Variants in BMP1 observed in about 807,000 individuals in gnomAD.
BMP1 encodes the protein bone morphogenetic protein 1.
A neutral mutation model predicts 116.8 loss-of-function variants in BMP1; 63 were observed. That is an observed-to-expected ratio of 0.54 (90% CI 0.44 to 0.67). BMP1 has a LOEUF of 0.67. Ranked by LOEUF, BMP1 falls within the 30% of genes least tolerant of loss-of-function variation. BMP1 has a pLI of 0.00. For synonymous variants in BMP1, 536 were observed against 533.4 expected (o/e 1.00, Z -0.07); for missense variants, 1,183 against 1,358.9 (o/e 0.87, Z 2.04).
chr8:22,191,111 G>A (rs909841170), intron 8 of BMP1, among the ~76,000 whole-genome samples: 4 of 152,208 alleles, frequency 2.6e-5, no homozygotes, highest in Admixed American at 2.6e-4. Context: ...CTCCAGTAGC[G>A]AGCGAGCGTT....
chr8:22,205,837 C>T (rs555315748), intron 16 of BMP1, among the ~76,000 whole-genome samples: 1 of 152,166 alleles, frequency 6.6e-6, no homozygotes, highest in Non-Finnish European at 1.5e-5. Flanking sequence ...AGGTCCTGAG[C>T]ACCCCGAAGG....
chr8:22,202,232 C>T (rs1245875281), intron 16 of BMP1, among the ~76,000 whole-genome samples: 2 of 152,234 alleles, frequency 1.3e-5, no homozygotes, highest in African/African-American at 4.8e-5. Context: ...TTCCTACCGG[C>T]ACAGAGGCGA....
At chr8:22,165,882 CGTGTGTGTGTGTGTGTGTGT>C (rs149003237) in intron 1 of BMP1, among the ~76,000 whole-genome samples, 141 of 131,418 alleles carry the variant, frequency 1.1e-3, no homozygotes, top group Admixed American at 2.6e-3. Flanking sequence ...CCTGTGCGTG[CGTGTGTGTGTGTGTGTGTGT>C]GTGTGTGTGT....
intron 13 of BMP1, 83 bp from the exon 14 acceptor site, chr8:22,196,597 C>CT: frequency 6.3e-7 from 1 of 1,591,860 alleles, no homozygotes; most frequent in Non-Finnish European, 8.6e-7. Context: ...CCATCTTCTC[C>CT]TTACTGCATC....
chr8:22,169,477 G>A (rs1484139929), intron 1 of BMP1: 2 of 152,306 alleles, frequency 1.3e-5, no homozygotes, highest in African/African-American at 4.8e-5. Flanking sequence ...AAGTGGTTGA[G>A]TGTGTGTTTG....
chr8:22,187,606 C>T (rs1331577592), intron 8 of BMP1, among the ~76,000 whole-genome samples: 1 of 150,730 alleles, frequency 6.6e-6, no homozygotes, highest in East Asian at 2.0e-4. Flanking sequence ...ACCTCAGCCT[C>T]CCAAAGTGCT....
intron 6 of BMP1, among the ~76,000 whole-genome samples, chr8:22,178,454 T>G (rs1425308523): frequency 2.0e-5 from 3 of 152,140 alleles, no homozygotes; most frequent in Non-Finnish European, 2.9e-5. Flanking sequence ...CGTGCCTTTT[T>G]TTTTAGAGAT....
intron 8 of BMP1, among the ~76,000 whole-genome samples, chr8:22,190,226 G>C (rs1828892492): frequency 6.6e-6 from 1 of 152,184 alleles, no homozygotes; most frequent in Non-Finnish European, 1.5e-5. Flanking sequence ...CGCTTGGCCT[G>C]TAGTGTGCTT....
intron 15 of BMP1, chr8:22,199,080 C>A (rs1829176689): frequency 7.3e-7 from 1 of 1,366,382 alleles, no homozygotes; most frequent in Non-Finnish European, 9.8e-7. Flanking sequence ...TACTGCTCTG[C>A]CCCCATGCCC....
Position 22,211,794 on chromosome 8 carries a change from G to T in BMP1, c.*66G>T. ...TTGGTCGCCTAGACTGGATAGTGGG[G>T]GTGGGCGGAAGGCAACGCACCATCC... On this transcript the variant is annotated 3_prime_UTR_variant, in exon 20 of 20. Transcript: ENST00000306385. The T allele has an allele frequency of 9.9e-6, 16 of 1,610,044 alleles. No homozygotes were observed. The highest frequency in any genetic ancestry group is 3.3e-4 in the Middle Eastern group (2 of 5,996).
At position 22,176,537 on chromosome 8, in the gene BMP1, C is replaced by A; in HGVS notation, c.438C>A (p.Ser146Arg). The change falls in exon 4 of 20, where the codon AGC becomes AGA. Residue 146 changes from serine to arginine, a missense_variant. By Grantham distance (110) the Ser-to-Arg change is moderately radical. This residue lies in a region of BMP1 where 40 missense variants were observed against 47.5 expected (regional missense o/e 0.84). Transcript: ENST00000306385. ...PFVIGGNFTG[S>R]QRAVFRQAMR... is the part of the protein sequence containing the mutation. ...TGGCTTCCTTCCTCCTGGCAGGTAG[C>A]CAGAGGGCAGTCTTCCGGCAGGCCA... 6.2e-7 allele frequency: 1 copy of A among 1,614,116 alleles called. No homozygotes were observed. Among genetic ancestry groups the A allele is most frequent in the Non-Finnish European group, 8.5e-7 (1 of 1,179,976 alleles).
chr8:22,206,993 C>T lies in BMP1; in HGVS notation c.2361+12C>T. ...ACCGGGTCAAGCTGGTAAGGGGTCC[C>T]CTCCCCACTCCTTATGCGGTGTGGC... On this transcript the variant is annotated intron_variant, in intron 17 of 19. Coordinates refer to ENST00000306385, the MANE Select transcript of BMP1 (RefSeq NM_006129.5). The T allele has an allele frequency of 3.1e-6, 5 of 1,613,708 alleles. No homozygotes were observed. Among genetic ancestry groups the T allele is most frequent in the Middle Eastern group, 1.7e-4 (1 of 6,058 alleles).
At position 22,180,588 on chromosome 8, in the gene BMP1, G is replaced by A. The variant is rs542940308; in HGVS notation, c.1077+105G>A. ...CAATATGGGTGCCAGCGACCTACCT[G>A]GCTACCGTAAATGTATCAAGTCCAG... On this transcript the variant is annotated intron_variant, in intron 8 of 19. Transcript: ENST00000306385. 402 of 1,033,764 alleles carry A rather than the reference G, an allele frequency of 3.9e-4. 7 individuals carry two copies. The South Asian group carries it at 5.4e-3, about 14-fold the overall frequency. The allele number at this position is 1,033,764 out of a possible 1,614,324, so 64.0% of individuals were successfully genotyped here. A position where few individuals can be genotyped will look rare whatever the true frequency, so the allele number is the denominator to read the frequency against.
chr8:22,205,814 G>C (rs1309808822), intron 16 of BMP1, among the ~76,000 whole-genome samples: 2 of 152,180 alleles, frequency 1.3e-5, no homozygotes, highest in African/African-American at 4.8e-5. Context: ...AAATGACCAT[G>C]ATCAGGAAGG....
rs1230662879 is a variant in BMP1 at position 22,165,551 on chromosome 8, C to G, written c.146C>G (p.Ala49Gly). The change falls in exon 1 of 20, where the codon GCG becomes GGG. Residue 49 changes from alanine to glycine, a missense_variant and splice_region_variant. Transcript: ENST00000306385. ...EPLNYKDPCK[A>G]AAFLGDIALD... is the part of the protein sequence containing the mutation. ...CTCAACTACAAAGACCCCTGCAAGG[C>G]GGGTGAGCGCCCCCCGGCCCCCCGG... 6.3e-6 allele frequency: 10 copies of G among 1,579,476 alleles called. No individual in the cohort carries two copies. Among genetic ancestry groups the G allele is most frequent in the Non-Finnish European group, 8.6e-6 (10 of 1,166,598 alleles).
chr8:22,168,486 T>C (rs1369782423), intron 1 of BMP1, among the ~76,000 whole-genome samples: 2 of 152,140 alleles, frequency 1.3e-5, no homozygotes, highest in African/African-American at 4.8e-5. Context: ...GCTAGAAGCA[T>C]GTCACACCCA....
At chr8:22,182,867 C>T (rs1420773018) in intron 8 of BMP1, among the ~76,000 whole-genome samples, 1 of 152,194 alleles carries the variant, frequency 6.6e-6, no homozygotes, top group Non-Finnish European at 1.5e-5. Flanking sequence ...TTGAGTGTCT[C>T]CTCTGATTTA....
Position 22,165,569 on chromosome 8 carries a change from C to T in BMP1, c.148+16C>T, listed in dbSNP as rs1013150486. ...TGCAAGGCGGGTGAGCGCCCCCCGG[C>T]CCCCCGGCGACGGGCCAGGCGGGGA... On this transcript the variant is annotated intron_variant, in intron 1 of 19. Transcript: ENST00000306385. 7.7e-6 allele frequency: 12 copies of T among 1,568,586 alleles called. No individual in the cohort carries two copies. Among genetic ancestry groups the T allele is most frequent in the East Asian group, 5.0e-5 (2 of 40,134 alleles).
At position 22,211,972 on chromosome 8, in the gene BMP1, C is replaced by G. The variant is rs563822516; in HGVS notation, c.*244C>G. 3.5e-6 allele frequency: 2 copies of G among 573,794 alleles called. No homozygotes were observed. Among genetic ancestry groups the G allele is most frequent in the African/African-American group, 3.7e-5 (2 of 53,428 alleles). 35.5% of individuals were successfully genotyped at this position (573,794 alleles called of 1,614,324 possible). A position where few individuals can be genotyped will look rare whatever the true frequency, so the allele number is the denominator to read the frequency against. On this transcript the variant is annotated 3_prime_UTR_variant, in exon 20 of 20. Transcript: ENST00000306385. ...GGAGCAGAGCTTCCACAAGACATTT[C>G]GAAGTCATCATTCCTCTCTTAGGGG...
Sources: gnomAD v4.1 joint callset for allele counts (sites outside exome capture counted in the v4.1 genomes callset) on GRCh38, gnomAD v4.1.1 for gene constraint, gnomAD v4.1.1 regional missense constraint, MANE v1.5 for transcripts, NCBI Gene and HGNC (gene_info 2026-07-23, HGNC 2026-07-21) for gene names.